Variants in ERG observed in about 807,000 individuals in gnomAD.
ERG encodes ETS transcription factor ERG.
Under a neutral mutation model 55.3 loss-of-function variants are expected in ERG, and 9 were observed. The ratio of observed to expected loss-of-function variants is 0.16; its 90% CI spans 0.10 to 0.28. The LOEUF is 0.28. ERG is among the 10% of genes least tolerant of loss of function. ERG has a pLI of 1.00. For missense variants in ERG, 434 were observed against 631.6 expected, an observed-to-expected ratio of 0.69 and a Z score of 3.35; for synonymous variants, 223 against 237.3, an observed-to-expected ratio of 0.94 and a Z score of 0.55.
At chr21:38,553,108 C>T (rs954611069) in intron 2 of ERG, among the ~76,000 whole-genome samples, 4 of 151,898 alleles carry the variant, frequency 2.6e-5, no homozygotes, top group Non-Finnish European at 4.4e-5. Context: ...AAAAAAAATA[C>T]AATACTTAAG....
chr21:38,421,626 A>G (rs1487855053), intron 3 of ERG, among the ~76,000 whole-genome samples: 1 of 152,160 alleles, frequency 6.6e-6, no homozygotes, highest in East Asian at 1.9e-4. Flanking sequence ...GGGAGAATTG[A>G]GTTTGTGCAG....
At chr21:38,549,379 A>T (rs1024115605) in intron 2 of ERG, among the ~76,000 whole-genome samples, 1 of 152,076 alleles carries the variant, frequency 6.6e-6, no homozygotes, top group African/African-American at 2.4e-5. Flanking sequence ...CTGGACAGGG[A>T]GAGATCTAAA....
In ERG at chr21:38,392,408, G is replaced by T; in HGVS notation, c.782C>A (p.Thr261Asn). Reference sequence around the variant, plus strand: ...CTGGGGCGTGGGGTGGCCGTGACCGGTCCAGGCTGATCTCCTGGGGGGCTC... The same window carrying T: ...CTGGGGCGTGGGGTGGCCGTGACCGTTCCAGGCTGATCTCCTGGGGGGCTC... Reference protein sequence around the residue: ...PYEPPRRSAWTGHGHPTPQSK... With the variant: ...PYEPPRRSAWNGHGHPTPQSK... The change falls in exon 7 of 10, where the codon ACC becomes AAC. Residue 261 changes from threonine to asparagine, a missense_variant. Thr to Asn is a moderately conservative substitution (Grantham distance 65, BLOSUM62 0). This residue lies in a region of ERG where 99 missense variants were observed against 145.6 expected (regional missense o/e 0.68). Coordinates refer to ENST00000288319, the MANE Select transcript of ERG (RefSeq NM_182918.4). 1 of 1,566,186 alleles carries T rather than the reference G, an allele frequency of 6.4e-7. No individual in the cohort carries two copies. Among genetic ancestry groups the T allele is most frequent in the South Asian group, 1.2e-5 (1 of 85,162 alleles).
chr21:38,612,381 T>C (rs1403110775), intron 1 of ERG, among the ~76,000 whole-genome samples: 1 of 152,216 alleles, frequency 6.6e-6, no homozygotes, highest in Non-Finnish European at 1.5e-5. Flanking sequence ...AATTTTGACA[T>C]TTTATTTGAT....
chr21:38,541,034 G>A (rs9980455), intron 2 of ERG, among the ~76,000 whole-genome samples: 3 of 151,692 alleles, frequency 2.0e-5, no homozygotes, highest in East Asian at 1.9e-4. Flanking sequence ...GCAGGAATTC[G>A]TGTGCTGCAA....
rs2146429307 is a variant in ERG at position 38,391,712 on chromosome 21, G to A, written c.818C>T (p.Ala273Val). 1 of 1,613,684 alleles carries A rather than the reference G, an allele frequency of 6.2e-7. No homozygotes were observed. Residue 273 changes from alanine (A) to valine (V), a missense_variant, in exon 8 of 10, where the codon GCT becomes GTT. Ala to Val is a moderately conservative substitution (Grantham distance 64). Around this residue, in one of 5 missense-constraint regions of ERG, gnomAD observed 99 missense variants for 145.6 expected, o/e 0.68. Transcript: ENST00000288319. ...GGGCACTGTGGAAGGAGATGGTTGAGCAGCTGAAAATCCAGAAATACAAAA... is the reference window on the plus strand; with the variant it reads ...GGGCACTGTGGAAGGAGATGGTTGAACAGCTGAAAATCCAGAAATACAAAA... ...HGHPTPQSKA[A>V]QPSPSTVPKT...
intron 1 of ERG, among the ~76,000 whole-genome samples, chr21:38,470,044 A>C (rs544366736): frequency 6.6e-6 from 1 of 152,318 alleles, no homozygotes; most frequent in Non-Finnish European, 1.5e-5. Flanking sequence ...CCTGGAGGGC[A>C]GGGATGTATC....
intron 2 of ERG, among the ~76,000 whole-genome samples, chr21:38,560,489 T>C (rs562550381): frequency 1.3e-5 from 2 of 152,288 alleles, no homozygotes; most frequent in South Asian, 4.1e-4. Flanking sequence ...ACCTCCCCGT[T>C]GGGTTGGTCA....
chr21:38,424,676 C>T (rs2836383), intron 2 of ERG, among the ~76,000 whole-genome samples: 42,758 of 152,078 alleles, frequency 0.28, 6,105 homozygotes, highest in East Asian at 0.39. Context: ...GACGTTCCTT[C>T]TCAAAACCTC....
chr21:38,491,755 G>A (rs1351361259), intron 1 of ERG, among the ~76,000 whole-genome samples: 3 of 152,244 alleles, frequency 2.0e-5, no homozygotes, highest in South Asian at 2.1e-4. Context: ...CATTATTGAC[G>A]CCCAAGACGA....
intron 1 of ERG, among the ~76,000 whole-genome samples, chr21:38,462,953 A>C (rs777616937): frequency 6.6e-5 from 10 of 152,156 alleles, no homozygotes; most frequent in Non-Finnish European, 1.5e-4. Flanking sequence ...TGCCAAGCTA[A>C]CTGTGCTTTT....
chr21:38,400,642 C>A lies in ERG; in HGVS notation c.677G>T (p.Gly226Val). ...AGTATTTGGGAAAATAAAAGCTGCA[C>A]CCCCTGCAGACAAAAGGAAAGACAA... ...PRLMHARNTG[G>V]AAFIFPNTSV... Residue 226 changes from glycine (G) to valine (V), a missense_variant, in exon 6 of 10, where the codon GGT (glycine) becomes GTT (valine). Around this residue, in one of 5 missense-constraint regions of ERG, gnomAD observed 99 missense variants for 145.6 expected, o/e 0.68. Coordinates refer to ENST00000288319, the MANE Select transcript of ERG (RefSeq NM_182918.4). 1 of 1,601,298 alleles carries A rather than the reference C, an allele frequency of 6.2e-7. No homozygotes were observed. Among genetic ancestry groups the A allele is most frequent in the South Asian group, 1.1e-5 (1 of 90,712 alleles).
intron 2 of ERG, among the ~76,000 whole-genome samples, chr21:38,522,250 A>G (rs1480949394): frequency 6.6e-6 from 1 of 152,022 alleles, no homozygotes; most frequent in Non-Finnish European, 1.5e-5. Context: ...CAAGATATAA[A>G]ATGAGATTTG....
chr21:38,385,775 T>C (rs944744881), intron 9 of ERG, among the ~76,000 whole-genome samples: 3 of 152,172 alleles, frequency 2.0e-5, no homozygotes, highest in Non-Finnish European at 4.4e-5. Context: ...ATACAAAGAA[T>C]GGTATGAGAA....
chr21:38,369,521 TTAGACCTTTGTTAGATGTA>T, the ERG span, among the ~76,000 whole-genome samples: 13 of 152,346 alleles, frequency 8.5e-5, no homozygotes, highest in Non-Finnish European at 1.3e-4. Context: ...ATGCTGGATA[TTAGACCTTTGTTAGATGTA>T]TAGTTTGCAA....
chr21:38,401,572 A>G (rs911619169), intron 5 of ERG, among the ~76,000 whole-genome samples: 2 of 152,232 alleles, frequency 1.3e-5, no homozygotes, highest in African/African-American at 4.8e-5. Flanking sequence ...TTTATATTTT[A>G]AAATAAAATG....
chr21:38,595,750 G>A (rs1437578035), intron 1 of ERG, among the ~76,000 whole-genome samples: 1 of 152,160 alleles, frequency 6.6e-6, no homozygotes, highest in African/African-American at 2.4e-5. Context: ...ATGGGGAGAG[G>A]GTCCGCACCT....
intron 2 of ERG, among the ~76,000 whole-genome samples, chr21:38,508,630 G>A (rs920261024): frequency 3.3e-5 from 5 of 152,140 alleles, no homozygotes; most frequent in Admixed American, 1.3e-4. Flanking sequence ...GGTTTCACAC[G>A]TACTTATCAG....
intron 2 of ERG, among the ~76,000 whole-genome samples, chr21:38,523,104 T>C (rs2059606351): frequency 6.6e-6 from 1 of 152,200 alleles, no homozygotes; most frequent in Non-Finnish European, 1.5e-5. Context: ...CAAAATCATT[T>C]TATTAAATGC....
Sources: allele counts gnomAD v4.1 joint callset (sites outside exome capture counted in the v4.1 genomes callset), GRCh38; gene constraint gnomAD v4.1.1; regional missense constraint gnomAD v4.1.1; transcripts MANE v1.5; gene names NCBI Gene and HGNC (gene_info 2026-07-23, HGNC 2026-07-21).